The following RNF145 variants were observed in gnomAD, a reference collection of about 807,000 sequenced individuals.
The protein encoded by RNF145 is ring finger protein 145.
A neutral mutation model predicts 57.3 loss-of-function variants in RNF145; 12 were observed. The ratio of observed to expected loss-of-function variants is 0.21; its 90% CI spans 0.13 to 0.34. The LOEUF (loss-of-function observed/expected upper bound fraction) is 0.34. Among genes scored for constraint, RNF145 ranks in the 10% least tolerant of loss-of-function variants. RNF145 has a pLI of 1.00. For synonymous variants in RNF145, 262 were observed against 288.3 expected, an observed-to-expected ratio of 0.91 and a Z score of 0.92; for missense variants, 429 against 799.0, an observed-to-expected ratio of 0.54 and a Z score of 5.58.
At chr5:159,162,199 ATATT>A in intron 9 of RNF145, among the ~76,000 whole-genome samples, 1 of 152,318 alleles carries the variant, frequency 6.6e-6, no homozygotes, top group Admixed American at 6.5e-5. Flanking sequence ...ATATACATAT[ATATT>A]TATATACATC....
intron 1 of RNF145, 77 bp downstream of exon 1, chr5:159,209,154 G>C (rs1430459189): frequency 4.0e-6 from 2 of 503,482 alleles, no homozygotes; most frequent in African/African-American, 4.2e-5. Context: ...GCGACGCGAT[G>C]GGGGAGGGGA....
chr5:159,199,698 G>A (rs1785595717), intron 2 of RNF145, among the ~76,000 whole-genome samples: 1 of 151,992 alleles, frequency 6.6e-6, no homozygotes, highest in Non-Finnish European at 1.5e-5. Flanking sequence ...CAGCTCACCT[G>A]CTCTAAAATC....
rs144493737 is a variant in RNF145 at position 159,204,155 on chromosome 5, G to A, written c.-39-499C>T. Among the ~76,000 whole-genome samples, 64 of 152,268 alleles carry A rather than the reference G, an allele frequency of 4.2e-4. 1 individual carries two copies. The highest frequency in any genetic ancestry group is 1.4e-3 in the African/African-American group (60 of 41,558). ...TCCTTATTCACTTACAATCAAAATT[G>A]AAGTGCTAAATTTACAATCCAGAGA... On this transcript the variant is annotated intron_variant, in intron 1 of 10. Coordinates refer to ENST00000424310, the MANE Select transcript of RNF145 (RefSeq NM_001199383.2).
At chr5:159,193,158 A>G (rs1785343904) in intron 3 of RNF145, among the ~76,000 whole-genome samples, 1 of 152,214 alleles carries the variant, frequency 6.6e-6, no homozygotes, top group East Asian at 1.9e-4. Flanking sequence ...TCTAAGACAC[A>G]GTGACATACT....
At chr5:159,165,342 A>T (rs1196370703) in intron 8 of RNF145, among the ~76,000 whole-genome samples, 2 of 152,338 alleles carry the variant, frequency 1.3e-5, no homozygotes, top group African/African-American at 2.4e-5. Flanking sequence ...TTTTATCTAT[A>T]TGTATTTCTA....
intron 9 of RNF145, among the ~76,000 whole-genome samples, chr5:159,162,104 A>G (rs1252006995): frequency 6.6e-6 from 1 of 152,178 alleles, no homozygotes; most frequent in African/African-American, 2.4e-5. Context: ...AGTTACAATA[A>G]GCTTATCATT....
chr5:159,169,953 A>T, intron 6 of RNF145, 134 bp from the exon 7 acceptor site: 1 of 620,142 alleles, frequency 1.6e-6, no homozygotes. Flanking sequence ...ATTTGAGGAG[A>T]AATCACCCAA....
Position 159,207,446 on chromosome 5 carries a change from AAAAAAG to A in RNF145, c.-40+1779_-40+1784del, listed in dbSNP as rs779138215. 2.1e-6 allele frequency: 3 copies of A among 1,439,362 alleles called. No homozygotes were observed. The South Asian group carries it at 3.7e-5, about 18-fold the overall frequency. The allele number at this position is 1,439,362 out of a possible 1,614,324, so 89.2% of individuals were successfully genotyped here. ...TACAATACTTCTACACCTTCCCCCT[AAAAAAG>A]AAAAACAAAAATCATCATTCACCAT... On this transcript the variant is annotated intron_variant, in intron 1 of 10. Coordinates refer to ENST00000424310, the MANE Select transcript of RNF145 (RefSeq NM_001199383.2).
chr5:159,196,928 C>T (rs1230899005), intron 2 of RNF145, among the ~76,000 whole-genome samples: 3 of 152,178 alleles, frequency 2.0e-5, no homozygotes, highest in African/African-American at 4.8e-5. Context: ...AAATCAGCGG[C>T]CAAATCTTCT....
At chr5:159,187,419 C>T (rs1051636706) in intron 3 of RNF145, among the ~76,000 whole-genome samples, 2 of 151,828 alleles carry the variant, frequency 1.3e-5, no homozygotes, top group Non-Finnish European at 2.9e-5. Context: ...CCTCTGCCTT[C>T]CAGGTTCAAG....
intron 7 of RNF145, among the ~76,000 whole-genome samples, chr5:159,169,417 G>A (rs1041689700): frequency 7.4e-4 from 113 of 152,220 alleles, no homozygotes; most frequent in African/African-American, 2.5e-3. Context: ...GAAAAAGCAC[G>A]CTTCTGAAAA....
chr5:159,209,721 C>T (rs541268355), upstream of RNF145: 30 of 1,109,652 alleles, frequency 2.7e-5, no homozygotes, highest in African/African-American at 4.3e-4. Flanking sequence ...GCCCATACAG[C>T]CCGGCTCGGG....
At chr5:159,173,414 G>A (rs1221639400) in intron 6 of RNF145, among the ~76,000 whole-genome samples, 1 of 152,094 alleles carries the variant, frequency 6.6e-6, no homozygotes, top group Non-Finnish European at 1.5e-5. Context: ...ACTCTTTCTC[G>A]ATACTGAAGT....
chr5:159,209,569 A>C, upstream of RNF145: 1 of 1,005,866 alleles, frequency 9.9e-7, no homozygotes, highest in Non-Finnish European at 1.2e-6. Context: ...CCGCGGCCCG[A>C]CTTCCGCACT....
rs76451527 is a variant in RNF145, at chr5:159,203,621, GTTTT to G, written c.-8_-5del. On this transcript the variant is annotated 5_prime_UTR_variant, in exon 2 of 11. Transcript: ENST00000424310. ...CCAGTTTCTCCTTTGCAGCCATGTT[GTTTT>G]TTTTTTTCTTTTTTTTTTTCTTGGA... The G allele has an allele frequency of 2.4e-5, 31 of 1,269,998 alleles. No homozygotes were observed. Among genetic ancestry groups the G allele is most frequent in the Non-Finnish European group, 3.2e-5 (30 of 933,644 alleles). The allele number at this position is 1,269,998 out of a possible 1,614,324, so 78.7% of individuals were successfully genotyped here. A position where few individuals can be genotyped will look rare whatever the true frequency, so the allele number is the denominator to read the frequency against.
At chr5:159,177,563 C>T (rs1352105027) in intron 4 of RNF145, among the ~76,000 whole-genome samples, 1 of 151,966 alleles carries the variant, frequency 6.6e-6, no homozygotes, top group Non-Finnish European at 1.5e-5. Flanking sequence ...TGCATTTAGC[C>T]CTTTCCAAAT....
Position 159,174,046 on chromosome 5 carries a change from G to A in RNF145, c.734C>T (p.Ser245Phe). ...AGGCTGATCTCGAGTACTGAAATAGGAGTAAATCTGAAGAGCAAATAAGAC... is the reference window on the plus strand; with the variant it reads ...AGGCTGATCTCGAGTACTGAAATAGAAGTAAATCTGAAGAGCAAATAAGAC... ...WLVLFALQIY[S>F]YFSTRDQPAS... Residue 245 changes from serine to phenylalanine, a missense_variant, in exon 6 of 11, where the codon TCC becomes TTC. By Grantham distance (155) the Ser-to-Phe change is radical. Around this residue, in one of 4 missense-constraint regions of RNF145, gnomAD observed 216 missense variants for 457.6 expected, o/e 0.47. Transcript: ENST00000424310. 6.2e-7 allele frequency: 1 copy of A among 1,613,638 alleles called. No individual in the cohort carries two copies. The highest frequency in any genetic ancestry group is 8.5e-7 in the Non-Finnish European group (1 of 1,179,708).
rs1347715296 is a variant in RNF145, at chr5:159,203,546, A to G, written c.72T>C (p.Asp24=). ...AGCTGACATCCCATCTGTACAGGAC[A>G]TCCAACAGCATGATGCTTGGCACCC... The part of the protein sequence containing the change: ...ALRVPSIMLL[D]VLYRWDVSSF... The change falls in exon 2 of 11, where the codon GAT becomes GAC. Residue 24 remains aspartate (D), a synonymous_variant. Transcript: ENST00000424310. 5 of 1,613,854 alleles carry G rather than the reference A, an allele frequency of 3.1e-6. No individual in the cohort carries two copies. Among genetic ancestry groups the G allele is most frequent in the Admixed American group, 1.7e-5 (1 of 60,002 alleles).
At chr5:159,192,346 T>C (rs1255019959) in intron 3 of RNF145, among the ~76,000 whole-genome samples, 4 of 152,052 alleles carry the variant, frequency 2.6e-5, no homozygotes. Flanking sequence ...GGTTTAGCCA[T>C]CACTACACCA....
Sources: gnomAD v4.1 joint callset for allele counts (sites outside exome capture counted in the v4.1 genomes callset) on GRCh38, gnomAD v4.1.1 for gene constraint, gnomAD v4.1.1 regional missense constraint, MANE v1.5 for transcripts, NCBI Gene and HGNC (gene_info 2026-07-23, HGNC 2026-07-21) for gene names.